PLCH1: variants seen among roughly 807,000 people sequenced by gnomAD.
PLCH1 encodes the protein phospholipase C eta 1, also known as 1-phosphatidylinositol 4,5-bisphosphate phosphodiesterase eta-1.
PLCH1 carries 60 observed loss-of-function variants against 126.7 expected under a neutral mutation model. The observed-to-expected ratio is 0.47, with a 90% CI of 0.38 to 0.59. PLCH1 has a LOEUF of 0.59. Ranked by LOEUF, PLCH1 falls within the 20% of genes least tolerant of loss-of-function variation. The pLI, the probability that PLCH1 is intolerant of heterozygous loss-of-function variation, is 0.00. For synonymous variants in PLCH1, 719 were observed against 734.9 expected, an observed-to-expected ratio of 0.98 and a Z score of 0.35; for missense variants, 1,723 against 2,040.0, an observed-to-expected ratio of 0.84 and a Z score of 2.99.
chr3:155,497,840 G>A lies in PLCH1; in HGVS notation c.1797-423C>T, dbSNP rs563071887. ...AGTGATTCTCCTGCCTCAGCCTCCCGAGTAGCTGGGACTACAGGTGCACAC... is the reference window on the plus strand; with the variant it reads ...AGTGATTCTCCTGCCTCAGCCTCCCAAGTAGCTGGGACTACAGGTGCACAC... On this transcript the variant is annotated intron_variant, in intron 14 of 22. Coordinates refer to ENST00000460012, the MANE Select transcript of PLCH1 (RefSeq NM_014996.4). Among the ~76,000 whole-genome samples, 384 of 152,136 alleles carry A rather than the reference G, an allele frequency of 2.5e-3. 10 individuals carry two copies. The South Asian group carries it at 0.055, about 22-fold the overall frequency.
chr3:155,553,313 C>T (rs556971515), intron 9 of PLCH1, among the ~76,000 whole-genome samples: 7 of 152,074 alleles, frequency 4.6e-5, no homozygotes, highest in Admixed American at 3.3e-4. Context: ...GACAGGGCTT[C>T]GCCATGTTGA....
At chr3:155,697,703 A>T (rs1307790783) in intron 2 of PLCH1, among the ~76,000 whole-genome samples, 1 of 152,216 alleles carries the variant, frequency 6.6e-6, no homozygotes, top group East Asian at 1.9e-4. Flanking sequence ...CAGTTGCCCC[A>T]GTGTCCTCAG....
chr3:155,540,902 G>T (rs1001743872), intron 10 of PLCH1, among the ~76,000 whole-genome samples: 1 of 152,114 alleles, frequency 6.6e-6, no homozygotes, highest in African/African-American at 2.4e-5. Flanking sequence ...CTACCAAGAG[G>T]CAAAGAAGTC....
At chr3:155,624,878 A>G (rs1302519595) in intron 2 of PLCH1, among the ~76,000 whole-genome samples, 1 of 152,222 alleles carries the variant, frequency 6.6e-6, no homozygotes, top group Admixed American at 6.5e-5. Flanking sequence ...TCTTCACAGA[A>G]TTGGAAAAAA....
intron 7 of PLCH1, among the ~76,000 whole-genome samples, chr3:155,567,182 C>T (rs534460967): frequency 3.3e-5 from 5 of 152,246 alleles, no homozygotes; most frequent in East Asian, 1.9e-4. Context: ...AAGGGACTCT[C>T]GTGCCTCAGT....
intron 21 of PLCH1, among the ~76,000 whole-genome samples, chr3:155,451,000 G>A (rs939056088): frequency 6.6e-6 from 1 of 152,046 alleles, no homozygotes; most frequent in Non-Finnish European, 1.5e-5. Flanking sequence ...ATACAGCAAA[G>A]CTGTTTAAAT....
At chr3:155,617,337 A>G (rs1403862241) in intron 2 of PLCH1, among the ~76,000 whole-genome samples, 1 of 152,130 alleles carries the variant, frequency 6.6e-6, no homozygotes, top group Non-Finnish European at 1.5e-5. Flanking sequence ...AAAATCTTCC[A>G]AGATTCTCTT....
intron 7 of PLCH1, among the ~76,000 whole-genome samples, chr3:155,566,360 T>C (rs1200617696): frequency 7.1e-6 from 1 of 140,548 alleles, no homozygotes; most frequent in South Asian, 2.2e-4. Flanking sequence ...TACATATATA[T>C]ACACACATAT....
intron 9 of PLCH1, among the ~76,000 whole-genome samples, chr3:155,553,072 C>T (rs1236809607): frequency 6.6e-6 from 1 of 152,176 alleles, no homozygotes; most frequent in African/African-American, 2.4e-5. Flanking sequence ...TGGCTCCCCA[C>T]ACCTATGGGA....
chr3:155,506,431 C>G (rs1001658394), intron 12 of PLCH1, among the ~76,000 whole-genome samples: 10 of 150,578 alleles, frequency 6.6e-5, no homozygotes, highest in African/African-American at 2.5e-4. Context: ...ATACATGTGC[C>G]ATGCTGGTGC....
chr3:155,721,902 C>G (rs1349646081), intron 1 of PLCH1, among the ~76,000 whole-genome samples: 2 of 152,072 alleles, frequency 1.3e-5, no homozygotes, highest in Middle Eastern at 3.4e-3. Context: ...ACAAAATTAG[C>G]CGGGCATGGT....
chr3:155,716,058 AT>A (rs1245441018), intron 1 of PLCH1, among the ~76,000 whole-genome samples: 2 of 152,186 alleles, frequency 1.3e-5, no homozygotes, highest in African/African-American at 2.4e-5. Context: ...GACTCATAGT[AT>A]TTTTGTTATC....
chr3:155,718,567 T>G (rs531713447), intron 1 of PLCH1, among the ~76,000 whole-genome samples: 1 of 151,834 alleles, frequency 6.6e-6, no homozygotes, highest in Non-Finnish European at 1.5e-5. Context: ...TCTAGGGAGG[T>G]CACAAGAAAC....
At chr3:155,512,707 G>A (rs1043584630) in intron 12 of PLCH1, among the ~76,000 whole-genome samples, 99 of 152,294 alleles carry the variant, frequency 6.5e-4, no homozygotes, top group African/African-American at 2.3e-3. Flanking sequence ...GGGTGTCACC[G>A]CTAGGAGCCA....
At chr3:155,690,413 A>T (rs358912) in intron 2 of PLCH1, among the ~76,000 whole-genome samples, 1 of 152,150 alleles carries the variant, frequency 6.6e-6, no homozygotes, top group East Asian at 1.9e-4. Context: ...CAAAAATTTC[A>T]TAAGTGTCCT....
chr3:155,662,021 A>C (rs911379777), intron 2 of PLCH1, among the ~76,000 whole-genome samples: 1 of 152,198 alleles, frequency 6.6e-6, no homozygotes, highest in African/African-American at 2.4e-5. Context: ...AATCTACCTG[A>C]GTTAGGGCTG....
intron 2 of PLCH1, among the ~76,000 whole-genome samples, chr3:155,674,153 T>C (rs1193733715): frequency 1.3e-5 from 2 of 152,200 alleles, no homozygotes; most frequent in Non-Finnish European, 2.9e-5. Flanking sequence ...TCTAGTTTTA[T>C]GTTGCAGTTC....
intron 2 of PLCH1, among the ~76,000 whole-genome samples, chr3:155,651,456 G>C (rs13079863): frequency 0.17 from 26,080 of 152,022 alleles, 2,626 homozygotes; most frequent in East Asian, 0.43. Flanking sequence ...GGAATAGCAA[G>C]TTGGGGGGTT....
intron 2 of PLCH1, chr3:155,675,887 G>C: frequency 1.6e-6 from 1 of 645,134 alleles, no homozygotes; most frequent in Non-Finnish European, 2.6e-6. Context: ...AATATGTTCT[G>C]AAGAATTCAA....
Sources: allele counts gnomAD v4.1 joint callset (sites outside exome capture counted in the v4.1 genomes callset), GRCh38; gene constraint gnomAD v4.1.1; transcripts MANE v1.5; gene names NCBI Gene and HGNC (gene_info 2026-07-23, HGNC 2026-07-21).